SDSL: variants seen among roughly 807,000 people sequenced by gnomAD.
SDSL encodes serine dehydratase-like.
SDSL carries 26 observed loss-of-function variants against 27.6 expected under a neutral mutation model. The ratio of observed to expected loss-of-function variants is 0.94; its 90% CI spans 0.69 to 1.31. The LOEUF (loss-of-function observed/expected upper bound fraction) is 1.31, where lower values mean the gene tolerates loss of function less well. SDSL is among the 50% of genes most tolerant of loss of function. The pLI is 0.00. For missense variants in SDSL, 431 were observed against 423.5 expected, an observed-to-expected ratio of 1.02 and a Z score of -0.16; for synonymous variants, 196 against 180.6, an observed-to-expected ratio of 1.09 and a Z score of -0.69.
intron 4 of SDSL, among the ~76,000 whole-genome samples, chr12:113,430,990 C>T (rs1443686202): frequency 6.6e-6 from 1 of 152,184 alleles, no homozygotes; most frequent in Non-Finnish European, 1.5e-5. Context: ...AGTGGTCAAA[C>T]CAATGGGCTG....
intron 1 of SDSL, chr12:113,425,692 G>A (rs1439901870): frequency 6.6e-6 from 3 of 455,232 alleles, no homozygotes; most frequent in Non-Finnish European, 8.8e-6. Context: ...ACAGCTCCTC[G>A]GCTTCAAACC....
chr12:113,433,940 C>A (rs937477904), intron 4 of SDSL, among the ~76,000 whole-genome samples, 194 bp from the exon 5 acceptor site: 4 of 152,288 alleles, frequency 2.6e-5, no homozygotes, highest in African/African-American at 9.6e-5. Context: ...AAGCACATGG[C>A]ATCTGTTTGT....
chr12:113,432,928 C>A (rs967335855), intron 4 of SDSL, among the ~76,000 whole-genome samples: 2 of 152,132 alleles, frequency 1.3e-5, no homozygotes. Context: ...TTGATGGGCA[C>A]CTGGGTTGAT....
intron 4 of SDSL, among the ~76,000 whole-genome samples, chr12:113,433,632 C>A (rs1194799207): frequency 6.6e-6 from 1 of 152,206 alleles, no homozygotes; most frequent in Non-Finnish European, 1.5e-5. Flanking sequence ...GAAAACTCAC[C>A]CCTGCTGTGG....
chr12:113,429,107 A>G (rs1217109754), intron 3 of SDSL, 53 bp from the exon 4 acceptor site: 1 of 1,574,872 alleles, frequency 6.3e-7, no homozygotes, highest in South Asian at 1.1e-5. Flanking sequence ...AGGGGAAGGC[A>G]TATCAAAGGC....
rs573188148 is a variant in SDSL at position 113,436,762 on chromosome 12, GC to G, written c.685del (p.Leu229TrpfsTer30). 4.9e-3 allele frequency: 7,931 copies of G among 1,608,288 alleles called. 43 individuals carry two copies. Among genetic ancestry groups the G allele is most frequent in the Middle Eastern group, 0.015 (91 of 6,038 alleles). The stretch of plus-strand genomic sequence containing the variant: ...GCTCTATCCTGCAGTGTGGCCAAGA[GC>G]CTGGGTGCCAAGACGGTGGCCGCTC... The part of the protein sequence containing the change: ...TLPDITSVAK[S>X]LGAKTVAARA... On this transcript the variant is annotated frameshift_variant, in exon 7 of 8. Coordinates refer to ENST00000403593, the MANE Select transcript of SDSL (RefSeq NM_001304993.2). LOFTEE classifies it high-confidence loss of function.
Position 113,435,321 on chromosome 12 carries a change from C to G in SDSL, c.444-8C>G. 2.0e-6 allele frequency: 3 copies of G among 1,493,352 alleles called. No homozygotes were observed. Among genetic ancestry groups the G allele is most frequent in the Non-Finnish European group, 2.7e-6 (3 of 1,117,546 alleles). 92.5% of individuals were successfully genotyped at this position (1,493,352 alleles called of 1,614,324 possible). A position where few individuals can be genotyped will look rare whatever the true frequency, so the allele number is the denominator to read the frequency against. ...ACTCTGCTTCTCCCTCTCACCCCCC[C>G]TCCCCAGGAAAGGCCACGCCAGCCT... On this transcript the variant is annotated splice_region_variant and splice_polypyrimidine_tract_variant and intron_variant, in intron 5 of 7. Transcript: ENST00000403593.
chr12:113,427,964 T>C lies in SDSL; in HGVS notation c.-19T>C, dbSNP rs757208911. The C allele has an allele frequency of 1.2e-6, 2 of 1,602,522 alleles. No homozygotes were observed. The highest frequency in any genetic ancestry group is 2.2e-5 in the South Asian group (2 of 89,326). ...GGTGACTTTGTGTCCTCCTGCAGGC[T>C]GTCTACCTGGTCTCCAGAATGGACG... On this transcript the variant is annotated splice_region_variant and 5_prime_UTR_variant, in exon 2 of 8. Coordinates refer to ENST00000403593, the MANE Select transcript of SDSL (RefSeq NM_001304993.2).
At chr12:113,429,088 T>G in intron 3 of SDSL, 72 bp from the exon 4 acceptor site, 1 of 1,545,484 alleles carries the variant, frequency 6.5e-7, no homozygotes, top group Non-Finnish European at 8.8e-7. Flanking sequence ...TGAAGGGATA[T>G]GGAGGGGGAG....
At chr12:113,425,286 T>C (rs2136948016) in intron 1 of SDSL, among the ~76,000 whole-genome samples, 1 of 152,290 alleles carries the variant, frequency 6.6e-6, no homozygotes, top group East Asian at 1.9e-4. Flanking sequence ...CATGGGCTTC[T>C]TTCCCCTGAT....
At chr12:113,425,857 C>T (rs1167840784) in intron 1 of SDSL, 6 of 392,028 alleles carry the variant, frequency 1.5e-5, no homozygotes, top group East Asian at 1.4e-4. Context: ...GGCGTGGTGA[C>T]GTGTGCCTGT....
chr12:113,430,791 G>A (rs562681178), intron 4 of SDSL, among the ~76,000 whole-genome samples: 4 of 152,288 alleles, frequency 2.6e-5, no homozygotes, highest in African/African-American at 9.6e-5. Context: ...AAAAAACCTG[G>A]GCACTGTGGT....
At chr12:113,434,457 C>T (rs899957639) in intron 5 of SDSL, among the ~76,000 whole-genome samples, 3 of 152,222 alleles carry the variant, frequency 2.0e-5, no homozygotes, top group African/African-American at 7.2e-5. Flanking sequence ...AGTGATAGTA[C>T]CAAGTCTCCT....
intron 1 of SDSL, among the ~76,000 whole-genome samples, chr12:113,423,947 G>T (rs1337177788): frequency 4.6e-5 from 7 of 152,116 alleles, no homozygotes; most frequent in Non-Finnish European, 8.8e-5. Context: ...CCATGTACAC[G>T]CTCTTCTTGC....
Position 113,438,160 on chromosome 12 carries a change from A to C in SDSL, c.*81A>C. The C allele has an allele frequency of 7.9e-7, 1 of 1,273,238 alleles. No homozygotes were observed. The allele number at this position is 1,273,238 out of a possible 1,614,324, so 78.9% of individuals were successfully genotyped here. A position where few individuals can be genotyped will look rare whatever the true frequency, so the allele number is the denominator to read the frequency against. On this transcript the variant is annotated 3_prime_UTR_variant, in exon 8 of 8. Coordinates refer to ENST00000403593, the MANE Select transcript of SDSL (RefSeq NM_001304993.2). ...TGGATGAGGAGGACTCAGTGCTGGC[A>C]GATGGCAGTGGAAGCTGCCCTGTGC...
At chr12:113,427,636 A>G (rs1372154805) in intron 1 of SDSL, among the ~76,000 whole-genome samples, 2 of 152,210 alleles carry the variant, frequency 1.3e-5, no homozygotes, top group Non-Finnish European at 2.9e-5. Context: ...TGCCTGGCAC[A>G]TAGTAGGTGC....
intron 4 of SDSL, among the ~76,000 whole-genome samples, chr12:113,433,860 C>T (rs1214752243): frequency 6.6e-6 from 1 of 152,248 alleles, no homozygotes; most frequent in East Asian, 1.9e-4. Flanking sequence ...GACCCGCTCC[C>T]AGCCTCCCTG....
chr12:113,432,237 TTTCTTTCTTTCTTTC>T (rs1957933759), intron 4 of SDSL, among the ~76,000 whole-genome samples: 1 of 120,774 alleles, frequency 8.3e-6, no homozygotes, highest in Non-Finnish European at 1.8e-5. Context: ...TCTTTCTTTC[TTTCTTTCTTTCTTTC>T]TTTCTTTCTT....
At chr12:113,434,663 C>T (rs1264869521) in intron 5 of SDSL, among the ~76,000 whole-genome samples, 1 of 152,212 alleles carries the variant, frequency 6.6e-6, no homozygotes, top group Non-Finnish European at 1.5e-5. Context: ...GGGCTGCAGT[C>T]AGGCTGGTCC....
Sources: allele counts gnomAD v4.1 joint callset (sites outside exome capture counted in the v4.1 genomes callset), GRCh38; gene constraint gnomAD v4.1.1; transcripts MANE v1.5; gene names NCBI Gene and HGNC (gene_info 2026-07-23, HGNC 2026-07-21).